Variants in MAP3K4 observed in about 807,000 individuals in gnomAD.
MAP3K4 encodes mitogen-activated protein kinase kinase kinase 4, also known as MAP three kinase 1.
Under a neutral mutation model 185.6 loss-of-function variants are expected in MAP3K4, and 67 were observed. That is an observed-to-expected ratio of 0.36 (90% CI 0.30 to 0.44). The LOEUF (loss-of-function observed/expected upper bound fraction) is 0.44, where lower values mean the gene tolerates loss of function less well. Among genes scored for constraint, MAP3K4 ranks in the 20% least tolerant of loss-of-function variants. MAP3K4 has a pLI of 1.00. For synonymous variants in MAP3K4, 702 were observed against 710.4 expected (o/e 0.99, Z 0.19); for missense variants, 1,551 against 1,995.1 (o/e 0.78, Z 4.24).
chr6:161,076,015 A>T lies in MAP3K4; in HGVS notation c.2097+2403A>T, dbSNP rs903146966. Among the ~76,000 whole-genome samples the T allele has an allele frequency of 6.6e-6, 1 of 152,224 alleles. No homozygotes were observed. The highest frequency in any genetic ancestry group is 1.5e-5 in the Non-Finnish European group (1 of 68,042). Reference sequence around the variant, plus strand: ...AACACCCTTGTCTGGAAACCCACCGAAAACAGCAAATGGAAAAATTCCTTC... The same window carrying T: ...AACACCCTTGTCTGGAAACCCACCGTAAACAGCAAATGGAAAAATTCCTTC... On this transcript the variant is annotated intron_variant, in intron 5 of 26. Coordinates refer to ENST00000392142, the MANE Select transcript of MAP3K4 (RefSeq NM_005922.4). This position sits in a 1 kb window ranked among gnomAD's most constrained non-coding sequence, Gnocchi z 4.2.
rs1785054934 is a variant in MAP3K4, at chr6:161,073,802, A to G, written c.2097+190A>G. Among the ~76,000 whole-genome samples the G allele has an allele frequency of 6.6e-6, 1 of 152,086 alleles. No homozygotes were observed. Among genetic ancestry groups the G allele is most frequent in the African/African-American group, 2.4e-5 (1 of 41,414 alleles). ...TGTATTGCGGAGGGCGGTGGTGGTG[A>G]TCTTGAATCAGAGTCTTTCCATCTG... On this transcript the variant is annotated intron_variant, in intron 5 of 26. Coordinates refer to ENST00000392142, the MANE Select transcript of MAP3K4 (RefSeq NM_005922.4). The surrounding 1 kb of genome is among the most constrained non-coding windows in gnomAD (Gnocchi z 4.2).
At chr6:161,026,727 T>G (rs1194027849) in intron 1 of MAP3K4, among the ~76,000 whole-genome samples, 3 of 149,494 alleles carry the variant, frequency 2.0e-5, no homozygotes, top group Non-Finnish European at 4.5e-5. Context: ...CAAAGGGTTC[T>G]CTCTCCTTTT....
intron 3 of MAP3K4, among the ~76,000 whole-genome samples, chr6:161,057,923 C>T (rs571004996): frequency 6.6e-6 from 1 of 152,166 alleles, no homozygotes; most frequent in Admixed American, 6.5e-5. Flanking sequence ...GTGAGCAAAC[C>T]GACTCAAACT....
At position 161,067,172 on chromosome 6, in the gene MAP3K4, G is replaced by A. The variant is rs1480010868; in HGVS notation, c.1708-3436G>A. 3.0e-6 allele frequency: 1 copy of A among 338,894 alleles called. No individual in the cohort carries two copies. Among genetic ancestry groups the A allele is most frequent in the East Asian group, 1.1e-4 (1 of 9,510 alleles). 21.0% of individuals were successfully genotyped at this position (338,894 alleles called of 1,614,324 possible). ...GACTATGTGTGCCCAAGGTGGTCAG[G>A]GCACAGCTTGGTTTTATACATTTTA... On this transcript the variant is annotated intron_variant, in intron 3 of 26. Coordinates refer to ENST00000392142, the MANE Select transcript of MAP3K4 (RefSeq NM_005922.4). This position sits in a 1 kb window ranked among gnomAD's most constrained non-coding sequence, Gnocchi z 6.3.
intron 1 of MAP3K4, among the ~76,000 whole-genome samples, chr6:161,000,747 G>T (rs544480057): frequency 6.6e-6 from 1 of 150,942 alleles, no homozygotes; most frequent in South Asian, 2.1e-4. Flanking sequence ...ACATATATGT[G>T]TACACCCATC....
rs1785830671 is a variant in MAP3K4, at chr6:161,088,089, A to G, written c.2823+135A>G. ...ATATACTTCCCAAAAATATGCCTCAATGTGTTAATAGGTCATTTTGCAGCA... is the reference window on the plus strand; with the variant it reads ...ATATACTTCCCAAAAATATGCCTCAGTGTGTTAATAGGTCATTTTGCAGCA... On this transcript the variant is annotated intron_variant, in intron 10 of 26. Transcript: ENST00000392142. This position sits in a 1 kb window ranked among gnomAD's most constrained non-coding sequence, Gnocchi z 4.5. The G allele has an allele frequency of 6.4e-6, 5 of 782,754 alleles. No homozygotes were observed. Among genetic ancestry groups the G allele is most frequent in the African/African-American group, 5.3e-5 (3 of 56,826 alleles). 48.5% of individuals were successfully genotyped at this position (782,754 alleles called of 1,614,324 possible). A position where few individuals can be genotyped will look rare whatever the true frequency, so the allele number is the denominator to read the frequency against.
intron 2 of MAP3K4, among the ~76,000 whole-genome samples, chr6:161,046,525 AAAT>A (rs200657496): frequency 0.037 from 2,238 of 59,896 alleles, 57 homozygotes; most frequent in African/African-American, 0.083. Flanking sequence ...TAAATTTAAA[AAAT>A]AATAATAATA....
At chr6:161,013,909 T>C (rs1483468521) in intron 1 of MAP3K4, among the ~76,000 whole-genome samples, 1 of 152,206 alleles carries the variant, frequency 6.6e-6, no homozygotes, top group Non-Finnish European at 1.5e-5. Context: ...GGCACACTGG[T>C]GGGCGTGTCT....
chr6:161,108,768 A>G lies in MAP3K4; in HGVS notation c.4145A>G (p.Lys1382Arg). The G allele has an allele frequency of 6.2e-7, 1 of 1,613,582 alleles. No individual in the cohort carries two copies. Among genetic ancestry groups the G allele is most frequent in the Non-Finnish European group, 8.5e-7 (1 of 1,179,480 alleles). Reference protein sequence around the residue: ...KEIRFQPNDHKTIKETADELK... With the variant: ...KEIRFQPNDHRTIKETADELK... The stretch of plus-strand genomic sequence containing the variant: ...ATTCGATTTCAACCTAATGACCATA[A>G]GACTATCAAGGAAACTGCAGACGAA... Residue 1382 changes from lysine (K) to arginine (R), a missense_variant, in exon 22 of 27, where the codon AAG becomes AGG. Transcript: ENST00000392142. The surrounding 1 kb of genome is among the most constrained non-coding windows in gnomAD (Gnocchi z 5.7).
chr6:161,029,120 A>G (rs901087528), intron 1 of MAP3K4, among the ~76,000 whole-genome samples: 3 of 152,162 alleles, frequency 2.0e-5, no homozygotes, highest in Non-Finnish European at 4.4e-5. Context: ...CTTATTACCT[A>G]ATAGAGAATA....
chr6:161,006,206 C>G (rs1781576254), intron 1 of MAP3K4, among the ~76,000 whole-genome samples: 1 of 152,190 alleles, frequency 6.6e-6, no homozygotes, highest in Non-Finnish European at 1.5e-5. Flanking sequence ...TCCATGTCTT[C>G]TTTTTTCTCA....
chr6:161,083,930 A>C (rs907712497), intron 6 of MAP3K4, among the ~76,000 whole-genome samples: 2 of 152,108 alleles, frequency 1.3e-5, no homozygotes, highest in African/African-American at 4.8e-5. Flanking sequence ...CTGTTACTAG[A>C]TCCTAAGTTT....
In MAP3K4 at chr6:161,087,664, G is replaced by T. The variant is rs761328649; in HGVS notation, c.2557-24G>T. Reference sequence around the variant, plus strand: ...TTCTCTAATGTACAGTGTTCCTTAAGATTTTGGATTATGTCTTTTGCAGGT... The same window carrying T: ...TTCTCTAATGTACAGTGTTCCTTAATATTTTGGATTATGTCTTTTGCAGGT... On this transcript the variant is annotated intron_variant, in intron 9 of 26. Transcript: ENST00000392142. This position sits in a 1 kb window ranked among gnomAD's most constrained non-coding sequence, Gnocchi z 4.9. 3.3e-5 allele frequency: 53 copies of T among 1,612,022 alleles called. No homozygotes were observed. The highest frequency in any genetic ancestry group is 4.4e-5 in the Non-Finnish European group (52 of 1,179,596).
At position 161,070,230 on chromosome 6, in the gene MAP3K4, G is replaced by GT. The variant is rs147710859; in HGVS notation, c.1708-371dup. On this transcript the variant is annotated intron_variant, in intron 3 of 26. Transcript: ENST00000392142. This position sits in a 1 kb window ranked among gnomAD's most constrained non-coding sequence, Gnocchi z 4.5. ...TTTCTCTAATTTCAGTAATTCTCTG[G>GT]TTTTTTTCCCAGTCTAGAGATAGTT... is the stretch of plus-strand genomic sequence containing the variant. Among the ~76,000 whole-genome samples the GT allele has an allele frequency of 0.055, 8,371 of 152,068 alleles. 261 individuals are homozygous for GT. The highest frequency in any genetic ancestry group is 0.11 in the Middle Eastern group (33 of 294).
At chr6:161,019,891 A>G (rs1190787308) in intron 1 of MAP3K4, among the ~76,000 whole-genome samples, 2 of 152,356 alleles carry the variant, frequency 1.3e-5, no homozygotes, top group African/African-American at 4.8e-5. Context: ...TTTGTAGGGT[A>G]TATGGAGGCC....
intron 1 of MAP3K4, among the ~76,000 whole-genome samples, chr6:161,002,890 C>T (rs190839266): frequency 2.3e-3 from 356 of 152,214 alleles, no homozygotes; most frequent in Non-Finnish European, 4.2e-3. Context: ...CGCACCCGGC[C>T]GGCATATTTC....
rs1292173579 is a variant in MAP3K4, at chr6:161,082,899, T to C, written c.2256-1602T>C. 2.6e-5 allele frequency among the ~76,000 whole-genome samples: 4 copies of C among 152,192 alleles called. No individual in the cohort carries two copies. Among genetic ancestry groups the C allele is most frequent in the Admixed American group, 2.6e-4 (4 of 15,282 alleles). On this transcript the variant is annotated intron_variant, in intron 6 of 26. Coordinates refer to ENST00000392142, the MANE Select transcript of MAP3K4 (RefSeq NM_005922.4). The surrounding 1 kb of genome is among the most constrained non-coding windows in gnomAD (Gnocchi z 4.2). The stretch of plus-strand genomic sequence containing the variant: ...TCTGGTTAAAGTGTATGTCAGACCA[T>C]TGTCTTCTCTCAATTTCCCAGTGGC...
intron 6 of MAP3K4, among the ~76,000 whole-genome samples, chr6:161,081,904 G>A (rs1363515564): frequency 6.6e-6 from 1 of 152,150 alleles, no homozygotes; most frequent in Admixed American, 6.5e-5. Flanking sequence ...GCCTATTCTA[G>A]TCCTAGACCC....
rs920615874 is a variant in MAP3K4 at position 161,114,689 on chromosome 6, AT to A, written c.4627-429del. 6.6e-6 allele frequency among the ~76,000 whole-genome samples: 1 copy of A among 152,190 alleles called. No individual in the cohort carries two copies. Among genetic ancestry groups the A allele is most frequent in the Non-Finnish European group, 1.5e-5 (1 of 68,030 alleles). ...ATGAAATAAGCTTTGCACTAATGCA[AT>A]TTTTATTTTTCAATAAGGTAGCATA... On this transcript the variant is annotated intron_variant, in intron 25 of 26. Coordinates refer to ENST00000392142, the MANE Select transcript of MAP3K4 (RefSeq NM_005922.4). The surrounding 1 kb of genome is among the most constrained non-coding windows in gnomAD (Gnocchi z 4.3).
Sources: gnomAD v4.1 joint callset for allele counts (sites outside exome capture counted in the v4.1 genomes callset) on GRCh38, gnomAD v4.1.1 for gene constraint, Gnocchi (gnomAD v3.1) non-coding constraint, MANE v1.5 for transcripts, NCBI Gene and HGNC (gene_info 2026-07-23, HGNC 2026-07-21) for gene names.